The following PDE4B variants were observed in gnomAD, a reference collection of about 807,000 sequenced individuals.
PDE4B encodes the protein 3',5'-cyclic-AMP phosphodiesterase 4B.
Under a neutral mutation model 82.2 loss-of-function variants are expected in PDE4B, and 20 were observed. The ratio of observed to expected loss-of-function variants is 0.24; its 90% CI spans 0.17 to 0.35. PDE4B has a LOEUF of 0.35. PDE4B is among the 10% of genes least tolerant of loss of function. The pLI is 1.00. For synonymous variants in PDE4B, 320 were observed against 318.9 expected, an observed-to-expected ratio of 1.00 and a Z score of -0.04; for missense variants, 655 against 907.2, an observed-to-expected ratio of 0.72 and a Z score of 3.57.
intron 7 of PDE4B, among the ~76,000 whole-genome samples, chr1:66,293,842 G>T (rs1183987977): frequency 6.6e-6 from 1 of 152,140 alleles, no homozygotes; most frequent in Non-Finnish European, 1.5e-5. Context: ...TTTTGTTGTT[G>T]TTGTTCTCAA....
chr1:66,295,013 C>T (rs182330249), intron 7 of PDE4B, among the ~76,000 whole-genome samples: 78 of 152,236 alleles, frequency 5.1e-4, no homozygotes, highest in Middle Eastern at 3.4e-3. Context: ...GTATATTTTC[C>T]TCACTTCTTT....
intron 3 of PDE4B, among the ~76,000 whole-genome samples, chr1:66,067,480 TG>T (rs2100915474): frequency 6.6e-6 from 1 of 152,268 alleles, no homozygotes; most frequent in South Asian, 2.1e-4. Context: ...GCTGCATAAG[TG>T]TCTTATTTTG....
chr1:66,264,104 A>G lies in PDE4B; in HGVS notation c.585-1934A>G, dbSNP rs1031081181. Among the ~76,000 whole-genome samples the G allele has an allele frequency of 3.3e-5, 5 of 152,210 alleles. No homozygotes were observed. In the East Asian group the frequency reaches 9.6e-4, roughly 29 times the overall value. ...ATTGAACACTAACTAGACAGAGCCT[A>G]TTTAAGCTATAATTTTAAAGTGCTA... On this transcript the variant is annotated intron_variant, in intron 6 of 16. Transcript: ENST00000341517.
At chr1:65,881,818 C>CTCCAGTATT (rs1023462659) in intron 1 of PDE4B, among the ~76,000 whole-genome samples, 3 of 152,136 alleles carry the variant, frequency 2.0e-5, no homozygotes, top group African/African-American at 7.2e-5. Flanking sequence ...ATATTATAGC[C>CTCCAGTATT]TCCAGTATTG....
At chr1:66,048,635 T>G (rs1367607850) in intron 3 of PDE4B, among the ~76,000 whole-genome samples, 2 of 151,964 alleles carry the variant, frequency 1.3e-5, no homozygotes, top group African/African-American at 2.4e-5. Flanking sequence ...TTGTGGATGC[T>G]GGGGCCAAGT....
At chr1:66,371,011 A>C (rs1023014437) in intron 16 of PDE4B, among the ~76,000 whole-genome samples, 5 of 148,386 alleles carry the variant, frequency 3.4e-5, no homozygotes, top group African/African-American at 1.2e-4. Context: ...AGAAAGAAGA[A>C]GAATAAGAAA....
intron 1 of PDE4B, among the ~76,000 whole-genome samples, chr1:65,900,210 A>G (rs1163057882): frequency 6.6e-6 from 1 of 151,992 alleles, no homozygotes; most frequent in East Asian, 1.9e-4. Flanking sequence ...CACTTATTGA[A>G]TAGGGAGTCC....
intron 3 of PDE4B, among the ~76,000 whole-genome samples, chr1:65,946,468 T>C (rs563487284): frequency 2.0e-5 from 3 of 152,022 alleles, no homozygotes; most frequent in Non-Finnish European, 4.4e-5. Flanking sequence ...TAGGAAGAGA[T>C]GTGATGGTAT....
chr1:65,993,017 A>C, intron 3 of PDE4B: 1 of 1,614,000 alleles, frequency 6.2e-7, no homozygotes, highest in Non-Finnish European at 8.5e-7. Flanking sequence ...GATTACCAGG[A>C]AACAGACCTA....
Position 65,890,695 on chromosome 1 carries a change from T to C in PDE4B, c.-70-22550T>C, listed in dbSNP as rs1413769364. On this transcript the variant is annotated intron_variant, in intron 1 of 16. Coordinates refer to ENST00000341517, the MANE Select transcript of PDE4B (RefSeq NM_002600.4). Reference sequence around the variant, plus strand: ...GCTAGTGTCAAAGAATTTGGATACATGGAGGAGAGCAGACAAGCAAAAGAA... The same window carrying C: ...GCTAGTGTCAAAGAATTTGGATACACGGAGGAGAGCAGACAAGCAAAAGAA... Among the ~76,000 whole-genome samples, 9 of 152,038 alleles carry C rather than the reference T, an allele frequency of 5.9e-5. No individual in the cohort carries two copies. In the East Asian group the frequency reaches 1.7e-3, roughly 29 times the overall value.
At chr1:66,328,370 C>T (rs556609179) in intron 7 of PDE4B, among the ~76,000 whole-genome samples, 1 of 152,284 alleles carries the variant, frequency 6.6e-6, no homozygotes, top group East Asian at 1.9e-4. Flanking sequence ...CTTACTGCCT[C>T]TGAGATTTGC....
At chr1:66,101,036 G>A (rs1387558504) in intron 3 of PDE4B, among the ~76,000 whole-genome samples, 1 of 152,016 alleles carries the variant, frequency 6.6e-6, no homozygotes, top group African/African-American at 2.4e-5. Context: ...CAGTGTCCAA[G>A]TGTTGTCATT....
chr1:65,860,931 T>C (rs980351859), intron 1 of PDE4B, among the ~76,000 whole-genome samples: 2 of 152,246 alleles, frequency 1.3e-5, no homozygotes, highest in Non-Finnish European at 2.9e-5. Context: ...AAATTCTTTG[T>C]AGATTCTGGA....
chr1:66,172,285 T>A (rs116025654), intron 3 of PDE4B, among the ~76,000 whole-genome samples: 2,131 of 152,284 alleles, frequency 0.014, 42 homozygotes, highest in African/African-American at 0.049. Flanking sequence ...ATGACTTCAT[T>A]TTTTCTTATG....
chr1:65,798,106 C>G (rs1408939485), intron 1 of PDE4B, among the ~76,000 whole-genome samples: 2 of 152,020 alleles, frequency 1.3e-5, no homozygotes, highest in African/African-American at 4.8e-5. Context: ...CAACCTCTGC[C>G]TCTCGGGTTC....
chr1:66,151,975 GATAA>G (rs1312763056), intron 3 of PDE4B, among the ~76,000 whole-genome samples: 7 of 152,260 alleles, frequency 4.6e-5, no homozygotes, highest in African/African-American at 1.7e-4. Flanking sequence ...TCGACTGAAT[GATAA>G]ATTAATATTA....
chr1:66,039,004 A>C (rs926975761), intron 3 of PDE4B, among the ~76,000 whole-genome samples: 2 of 151,606 alleles, frequency 1.3e-5, no homozygotes, highest in African/African-American at 4.8e-5. Context: ...TTTTATTGCA[A>C]CTCCCCCAGA....
At chr1:66,290,091 A>G in intron 7 of PDE4B, among the ~76,000 whole-genome samples, 1 of 152,194 alleles carries the variant, frequency 6.6e-6, no homozygotes, top group Non-Finnish European at 1.5e-5. Context: ...GTTTGGTTTT[A>G]GATGTTAATT....
At chr1:65,993,919 G>T (rs1651390911) in intron 3 of PDE4B, among the ~76,000 whole-genome samples, 1 of 152,110 alleles carries the variant, frequency 6.6e-6, no homozygotes, top group Non-Finnish European at 1.5e-5. Flanking sequence ...ACAGTATAAT[G>T]ATGAAATGTA....
Sources: allele counts gnomAD v4.1 joint callset (sites outside exome capture counted in the v4.1 genomes callset), GRCh38; gene constraint gnomAD v4.1.1; transcripts MANE v1.5; gene names NCBI Gene and HGNC (gene_info 2026-07-23, HGNC 2026-07-21).